The following CENPW variants were observed in gnomAD, a reference collection of about 807,000 sequenced individuals.
The protein encoded by CENPW is cancer-up-regulated gene 2 protein.
In CENPW, 3 loss-of-function variants were observed where a neutral mutation model predicts 11.1. That is an observed-to-expected ratio of 0.27 (90% CI 0.12 to 0.70). The LOEUF is 0.70. CENPW is among the 30% of genes least tolerant of loss of function. The probability of loss-of-function intolerance (pLI) is 0.77; values close to 1 mark genes in which losing one functional copy is unlikely to be tolerated. For synonymous variants in CENPW, 38 were observed against 42.0 expected (o/e 0.91, Z 0.37); for missense variants, 100 against 105.6 (o/e 0.95, Z 0.23).
chr6:126,482,011 A>G, the CENPW span, among the ~76,000 whole-genome samples: 1 of 151,912 alleles, frequency 6.6e-6, no homozygotes, highest in Non-Finnish European at 1.5e-5. Context: ...CCTTTTGCCC[A>G]TTTTTCTTTG....
At chr6:126,355,582 T>A in the CENPW span, among the ~76,000 whole-genome samples, 2,225 of 152,248 alleles carry the variant, frequency 0.015, 46 homozygotes, top group African/African-American at 0.051. Flanking sequence ...TCCTGTGTTA[T>A]ACTGATATTT....
intron 1 of CENPW, among the ~76,000 whole-genome samples, chr6:126,345,258 A>G (rs1254330397): frequency 6.6e-6 from 1 of 151,998 alleles, no homozygotes; most frequent in African/African-American, 2.4e-5. Flanking sequence ...TTGTTTATAC[A>G]TATATGTAAT....
the CENPW span, among the ~76,000 whole-genome samples, chr6:126,452,149 G>A: frequency 4.0e-5 from 6 of 151,106 alleles, no homozygotes; most frequent in Non-Finnish European, 8.9e-5. Context: ...ACTGAAAGGA[G>A]AATATCAACA....
the CENPW span, among the ~76,000 whole-genome samples, chr6:126,455,158 C>T: frequency 8.6e-5 from 13 of 151,460 alleles, no homozygotes; most frequent in Admixed American, 5.9e-4. Flanking sequence ...AAAGCTGGTA[C>T]CATTCCTATT....
chr6:126,470,632 T>C, the CENPW span, among the ~76,000 whole-genome samples: 1,090 of 152,244 alleles, frequency 7.2e-3, 12 homozygotes, highest in African/African-American at 0.025. Flanking sequence ...GCCCTGTGCA[T>C]GTGGAAAAGC....
chr6:126,477,469 C>T, the CENPW span, among the ~76,000 whole-genome samples: 2 of 151,782 alleles, frequency 1.3e-5, no homozygotes, highest in East Asian at 3.9e-4. Flanking sequence ...TATAATAGCT[C>T]GTTGAACCAA....
chr6:126,348,463 C>T lies in CENPW; in HGVS notation c.241-3C>T. Reference sequence around the variant, plus strand: ...ATGAATCTTATTTTTTTCCCTCTTACAGGTAATTCTAAAGAAGAGCAGAGG... The same window carrying T: ...ATGAATCTTATTTTTTTCCCTCTTATAGGTAATTCTAAAGAAGAGCAGAGG... On this transcript the variant is annotated splice_polypyrimidine_tract_variant and splice_region_variant and intron_variant, in intron 2 of 2. Transcript: ENST00000368328. The T allele has an allele frequency of 7.3e-7, 1 of 1,360,824 alleles. No homozygotes were observed. The highest frequency in any genetic ancestry group is 1.0e-6 in the Non-Finnish European group (1 of 954,520). The allele number at this position is 1,360,824 out of a possible 1,614,324, so 84.3% of individuals were successfully genotyped here. A position where few individuals can be genotyped will look rare whatever the true frequency, so the allele number is the denominator to read the frequency against.
intron 2 of CENPW, among the ~76,000 whole-genome samples, chr6:126,347,965 G>A (rs973178614): frequency 6.6e-6 from 1 of 151,840 alleles, no homozygotes; most frequent in African/African-American, 2.4e-5. Flanking sequence ...AGTCTCAAAT[G>A]ATTATAATTC....
At chr6:126,369,839 A>G in the CENPW span, among the ~76,000 whole-genome samples, 1 of 152,178 alleles carries the variant, frequency 6.6e-6, no homozygotes, top group African/African-American at 2.4e-5. Flanking sequence ...TTTGTCATGA[A>G]GTATTTGCCT....
chr6:126,358,961 G>A, the CENPW span, among the ~76,000 whole-genome samples: 1 of 151,448 alleles, frequency 6.6e-6, no homozygotes, highest in African/African-American at 2.4e-5. Flanking sequence ...TGCTTGCTTT[G>A]GGGTTGGTTT....
intron 1 of CENPW, among the ~76,000 whole-genome samples, chr6:126,341,568 T>C (rs1780311881): frequency 6.6e-6 from 1 of 152,214 alleles, no homozygotes; most frequent in Non-Finnish European, 1.5e-5. Flanking sequence ...TCTTCTGCCC[T>C]TATTTTTGTT....
chr6:126,364,215 G>T, the CENPW span, among the ~76,000 whole-genome samples: 1 of 152,294 alleles, frequency 6.6e-6, no homozygotes, highest in South Asian at 2.1e-4. Flanking sequence ...TGAGCACTCA[G>T]TTACATATTT....
the CENPW span, among the ~76,000 whole-genome samples, chr6:126,425,397 A>G: frequency 2.8e-4 from 43 of 152,210 alleles, 1 homozygote; most frequent in East Asian, 4.4e-3. Context: ...AGAACAGCCA[A>G]TAGCCAAATT....
the CENPW span, among the ~76,000 whole-genome samples, chr6:126,362,929 A>G: frequency 2.6e-5 from 4 of 152,188 alleles, no homozygotes; most frequent in Non-Finnish European, 4.4e-5. Flanking sequence ...TATCTTTTGT[A>G]TGGAGCTGGG....
chr6:126,383,650 G>A, the CENPW span, among the ~76,000 whole-genome samples: 11 of 151,950 alleles, frequency 7.2e-5, no homozygotes, highest in African/African-American at 2.7e-4. Context: ...AAAACATACC[G>A]TAAACCAACA....
the CENPW span, among the ~76,000 whole-genome samples, chr6:126,478,262 A>G: frequency 6.6e-6 from 1 of 151,872 alleles, no homozygotes; most frequent in Non-Finnish European, 1.5e-5. Flanking sequence ...GGCCAATCTG[A>G]GTGAATTGGT....
the CENPW span, among the ~76,000 whole-genome samples, chr6:126,355,194 A>G: frequency 1.3e-5 from 2 of 152,156 alleles, no homozygotes; most frequent in African/African-American, 4.8e-5. Flanking sequence ...AGAACATTTA[A>G]TTATTATCTT....
At chr6:126,343,286 A>C (rs1227606057) in intron 1 of CENPW, among the ~76,000 whole-genome samples, 1 of 152,240 alleles carries the variant, frequency 6.6e-6, no homozygotes, top group Non-Finnish European at 1.5e-5. Context: ...GCCTTAGCGC[A>C]TTGGAGTAGT....
the CENPW span, among the ~76,000 whole-genome samples, chr6:126,412,738 C>T: frequency 2.0e-5 from 3 of 152,080 alleles, no homozygotes; most frequent in Non-Finnish European, 2.9e-5. Context: ...TTTTTTGTGG[C>T]TCTGTTCATT....
Sources: gnomAD v4.1 joint callset for allele counts (sites outside exome capture counted in the v4.1 genomes callset) on GRCh38, gnomAD v4.1.1 for gene constraint, MANE v1.5 for transcripts, NCBI Gene and HGNC (gene_info 2026-07-23, HGNC 2026-07-21) for gene names.